Variants in UACA observed in about 807,000 individuals in gnomAD.
UACA encodes uveal autoantigen with coiled-coil domains and ankyrin repeats, also known as nuclear membrane binding protein.
In UACA, 112 loss-of-function variants were observed where a neutral mutation model predicts 160.5. The observed-to-expected ratio is 0.70, with a 90% CI of 0.60 to 0.82. The LOEUF (loss-of-function observed/expected upper bound fraction) is 0.82. Among genes scored for constraint, UACA ranks in the 40% least tolerant of loss-of-function variants. The probability of loss-of-function intolerance (pLI) is 0.00; values close to 1 mark genes in which losing one functional copy is unlikely to be tolerated. For synonymous variants in UACA, 557 were observed against 568.4 expected (o/e 0.98, Z 0.29); for missense variants, 1,574 against 1,614.6 (o/e 0.97, Z 0.43).
intron 3 of UACA, among the ~76,000 whole-genome samples, chr15:70,692,919 G>A (rs1414933977): frequency 6.6e-6 from 1 of 152,150 alleles, no homozygotes; most frequent in East Asian, 1.9e-4. Flanking sequence ...CCAGGTTGCA[G>A]AACAAAACAT....
chr15:70,666,977 A>C lies in UACA; in HGVS notation c.3707T>G (p.Leu1236Trp), dbSNP rs1896933408. Residue 1236 changes from leucine to tryptophan, a missense_variant, in exon 16 of 19, where the codon TTG (leucine) becomes TGG (tryptophan). Leu to Trp is a moderately conservative substitution (Grantham distance 61). Coordinates refer to ENST00000322954, the MANE Select transcript of UACA (RefSeq NM_018003.4). ...LSKYKATKSD[L>W]ETQISSLNEK... ...ATTTAAGCTAGAAATCTGTGTCTCC[A>C]AATCACTTTTTGTTGCTTTATATTT... The C allele has an allele frequency of 6.2e-7, 1 of 1,612,724 alleles. No individual in the cohort carries two copies. The highest frequency in any genetic ancestry group is 1.3e-5 in the African/African-American group (1 of 74,904).
chr15:70,659,068 C>A (rs568764209), intron 18 of UACA, among the ~76,000 whole-genome samples: 9 of 152,262 alleles, frequency 5.9e-5, no homozygotes, highest in South Asian at 4.1e-4. Context: ...CTCTCTAATA[C>A]AGATTTTCTG....
At chr15:70,706,628 C>A (rs1645946846) in intron 1 of UACA, among the ~76,000 whole-genome samples, 1 of 150,174 alleles carries the variant, frequency 6.7e-6, no homozygotes, top group African/African-American at 2.4e-5. Context: ...GGAGAGAGTA[C>A]ACAAAAATCA....
intron 1 of UACA, chr15:70,702,094 T>C: frequency 7.4e-7 from 1 of 1,350,436 alleles, no homozygotes; most frequent in Non-Finnish European, 9.5e-7. Flanking sequence ...AGGATCCTTC[T>C]CCGCCTTCAT....
At chr15:70,720,551 C>A (rs1253713856) in intron 1 of UACA, among the ~76,000 whole-genome samples, 2 of 152,148 alleles carry the variant, frequency 1.3e-5, no homozygotes, top group Non-Finnish European at 1.5e-5. Flanking sequence ...GATGGCAGAA[C>A]TGGTATTTTA....
In UACA at chr15:70,677,134, T is replaced by C. The variant is rs1052686418; in HGVS notation, c.1006A>G (p.Met336Val). Reference sequence around the variant, plus strand: ...TCGCTTTCCAGATCATCAGCAACCATAACTTCCTAAATTTAAAAAGAACAC... The same window carrying C: ...TCGCTTTCCAGATCATCAGCAACCACAACTTCCTAAATTTAAAAAGAACAC... ...GLQLQLNEEV[M>V]VADDLESERE... The change falls in exon 12 of 19, where the codon ATG becomes GTG. Residue 336 changes from methionine to valine, a missense_variant. By Grantham distance (21) the Met-to-Val change is conservative (BLOSUM62 1). Transcript: ENST00000322954. 2 of 1,602,138 alleles carry C rather than the reference T, an allele frequency of 1.2e-6. No individual in the cohort carries two copies. Among genetic ancestry groups the C allele is most frequent in the African/African-American group, 1.3e-5 (1 of 74,372 alleles).
chr15:70,726,549 T>A (rs996772577), intron 1 of UACA, among the ~76,000 whole-genome samples: 2 of 152,190 alleles, frequency 1.3e-5, no homozygotes, highest in Non-Finnish European at 2.9e-5. Context: ...TACTTTTTCT[T>A]CTGAAATAGA....
At chr15:70,707,816 C>A (rs1003650687) in intron 1 of UACA, among the ~76,000 whole-genome samples, 1 of 152,138 alleles carries the variant, frequency 6.6e-6, no homozygotes, top group Non-Finnish European at 1.5e-5. Flanking sequence ...AACCCTTGTG[C>A]ACTGTGGGGA....
chr15:70,676,255 C>T (rs181560154), intron 13 of UACA: 1 of 351,630 alleles, frequency 2.8e-6, no homozygotes, highest in Non-Finnish European at 5.2e-6. Flanking sequence ...ACTAGAATGA[C>T]ACTAAATGTC....
the UACA span, among the ~76,000 whole-genome samples, chr15:70,772,245 G>A: frequency 1.3e-5 from 2 of 152,088 alleles, no homozygotes; most frequent in Non-Finnish European, 2.9e-5. Context: ...TGTAATCCCA[G>A]CACTTTGGGA....
Position 70,762,819 on chromosome 15 carries a change from G to C in UACA, c.78+511C>G, listed in dbSNP as rs143294199. ...GACGTCCACCAGCCCGGCAGGGCTT[G>C]ACGCTGTCTCAGACCCGGGGAAGGT... On this transcript the variant is annotated intron_variant, in intron 1 of 18. Transcript: ENST00000322954. Among the ~76,000 whole-genome samples, 1,283 of 152,366 alleles carry C rather than the reference G, an allele frequency of 8.4e-3. 5 individuals are homozygous for C. The highest frequency in any genetic ancestry group is 0.013 in the Non-Finnish European group (869 of 68,040).
chr15:70,772,953 G>C, the UACA span, among the ~76,000 whole-genome samples: 1 of 151,786 alleles, frequency 6.6e-6, no homozygotes, highest in Non-Finnish European at 1.5e-5. Context: ...GCTGAGTGTG[G>C]TTGTTGGCAC....
At chr15:70,699,257 T>A (rs545137599) in intron 2 of UACA, among the ~76,000 whole-genome samples, 1 of 152,150 alleles carries the variant, frequency 6.6e-6, no homozygotes, top group African/African-American at 2.4e-5. Flanking sequence ...AAAAGGCTTA[T>A]AATGAAAATG....
chr15:70,667,564 A>G lies in UACA; in HGVS notation c.3120T>C (p.Leu1040=), dbSNP rs564610970. The change falls in exon 16 of 19, where the codon CTT becomes CTC. Residue 1040 remains leucine (L), a synonymous_variant. Transcript: ENST00000322954. ...NDKLKKEIFT[L]QKDLRDKTVL... is the part of the protein sequence containing the mutation. ...CTGTCTTATCTCTCAAATCTTTCTGAAGGGTAAAAATCTCCTTCTTTAACT... is the reference window on the plus strand; with the variant it reads ...CTGTCTTATCTCTCAAATCTTTCTGGAGGGTAAAAATCTCCTTCTTTAACT... The G allele has an allele frequency of 1.5e-5, 24 of 1,612,878 alleles. No individual in the cohort carries two copies. The highest frequency in any genetic ancestry group is 9.9e-5 in the South Asian group (9 of 91,056).
At position 70,760,717 on chromosome 15, in the gene UACA, G is replaced by C. The variant is rs2030699402; in HGVS notation, c.78+2613C>G. Among the ~76,000 whole-genome samples the C allele has an allele frequency of 1.3e-5, 2 of 150,662 alleles. 1 individual carries two copies. Among genetic ancestry groups the C allele is most frequent in the Non-Finnish European group, 2.9e-5 (2 of 67,860 alleles). Reference sequence around the variant, plus strand: ...AGCTACTCAGGAGGCTGAGGCAGGAGAATCACTTGAACCTGGGAGGCGGAG... The same window carrying C: ...AGCTACTCAGGAGGCTGAGGCAGGACAATCACTTGAACCTGGGAGGCGGAG... On this transcript the variant is annotated intron_variant, in intron 1 of 18. Coordinates refer to ENST00000322954, the MANE Select transcript of UACA (RefSeq NM_018003.4).
In UACA at chr15:70,667,726, G is replaced by T. The variant is rs751749504; in HGVS notation, c.2958C>A (p.Ala986=). ...TIQECIKVKY[A]PIVSFEECER... ...CGCACTCCTCAAAGCTGACAATTGG[G>T]GCGTATTTTACCTTAATGCATTCTT... The change falls in exon 16 of 19, where the codon GCC becomes GCA. Residue 986 remains alanine (A), a synonymous_variant. Coordinates refer to ENST00000322954, the MANE Select transcript of UACA (RefSeq NM_018003.4). The T allele has an allele frequency of 1.3e-5, 21 of 1,613,804 alleles. No individual in the cohort carries two copies. In the East Asian group the frequency reaches 4.7e-4, roughly 36 times the overall value.
Position 70,665,611 on chromosome 15 carries a change from G to GA in UACA, c.3961-798dup, listed in dbSNP as rs575391575. ...AATTTTTTATTGAAAAATAATAATA[G>GA]AAAAAAAACAAAGAAAATGAAATGC... On this transcript the variant is annotated intron_variant, in intron 16 of 18. Coordinates refer to ENST00000322954, the MANE Select transcript of UACA (RefSeq NM_018003.4). 7.0e-4 allele frequency among the ~76,000 whole-genome samples: 106 copies of GA among 151,530 alleles called. 1 individual carries two copies. Among genetic ancestry groups the GA allele is most frequent in the South Asian group, 5.6e-3 (27 of 4,802 alleles).
intron 1 of UACA, chr15:70,703,244 C>T: frequency 7.8e-7 from 1 of 1,288,032 alleles, no homozygotes; most frequent in Non-Finnish European, 1.0e-6. Context: ...TTTACACTTC[C>T]TCTAAAAAGA....
intron 1 of UACA, among the ~76,000 whole-genome samples, chr15:70,753,352 G>A (rs2030208538): frequency 6.6e-6 from 1 of 152,174 alleles, no homozygotes; most frequent in African/African-American, 2.4e-5. Context: ...TATCAGGAAT[G>A]CAACAATTCC....
Sources: gnomAD v4.1 joint callset for allele counts (sites outside exome capture counted in the v4.1 genomes callset) on GRCh38, gnomAD v4.1.1 for gene constraint, MANE v1.5 for transcripts, NCBI Gene and HGNC (gene_info 2026-07-23, HGNC 2026-07-21) for gene names.